Variants in GADL1 observed in about 807,000 individuals in gnomAD.
GADL1 encodes acidic amino acid decarboxylase GADL1.
In GADL1, 71 loss-of-function variants were observed where a neutral mutation model predicts 69.5. The observed-to-expected ratio is 1.02, with a 90% CI of 0.84 to 1.25. The LOEUF (loss-of-function observed/expected upper bound fraction) is 1.25, where lower values mean the gene tolerates loss of function less well. Among genes scored for constraint, GADL1 ranks in the 50% most tolerant of loss-of-function variants. The pLI is 0.00. For missense variants in GADL1, 737 were observed against 631.8 expected, an observed-to-expected ratio of 1.17 and a Z score of -1.79; for synonymous variants, 254 against 214.4, an observed-to-expected ratio of 1.18 and a Z score of -1.62.
At chr3:30,758,061 G>T (rs1295411302) in intron 14 of GADL1, among the ~76,000 whole-genome samples, 1 of 152,174 alleles carries the variant, frequency 6.6e-6, no homozygotes, top group African/African-American at 2.4e-5. Context: ...AGATGCAGCA[G>T]CTTGCCCCAA....
intron 12 of GADL1, chr3:30,799,610 C>T (rs540699781): frequency 1.8e-4 from 28 of 152,318 alleles, no homozygotes; most frequent in African/African-American, 5.5e-4. Flanking sequence ...CTCCTTGTTA[C>T]TTAGGCAAAT....
rs533955209 is a variant in GADL1 at position 30,761,798 on chromosome 3, C to G, written c.1392+16381G>C. ...CTTATCACTAGAGCATCCCCTCCAC[C>G]TAGTAGCTCTACCAATTAGATTCAA... On this transcript the variant is annotated intron_variant, in intron 14 of 14. Transcript: ENST00000282538. 8.5e-5 allele frequency among the ~76,000 whole-genome samples: 13 copies of G among 152,226 alleles called. No individual in the cohort carries two copies. In the South Asian group the frequency reaches 2.7e-3, roughly 32 times the overall value.
intron 14 of GADL1, among the ~76,000 whole-genome samples, chr3:30,756,214 A>G (rs73826105): frequency 3.9e-5 from 6 of 152,204 alleles, no homozygotes; most frequent in African/African-American, 1.2e-4. Context: ...GACAATGAAC[A>G]TGGAGCTTGG....
At chr3:30,831,791 G>C (rs916370546) in intron 11 of GADL1, among the ~76,000 whole-genome samples, 2 of 151,944 alleles carry the variant, frequency 1.3e-5, no homozygotes, top group African/African-American at 2.4e-5. Context: ...GGGGAGGCTA[G>C]TTAGGTGAAT....
intron 11 of GADL1, among the ~76,000 whole-genome samples, chr3:30,827,089 C>T (rs758727485): frequency 6.6e-6 from 1 of 151,896 alleles, no homozygotes; most frequent in African/African-American, 2.4e-5. Context: ...AAAGGACATA[C>T]TACTTCACAT....
Position 30,834,268 on chromosome 3 carries a change from C to A in GADL1, c.917G>T (p.Gly306Val). The change falls in exon 10 of 15, where the codon GGC (glycine) becomes GTC (valine). Residue 306 changes from glycine to valine, a missense_variant. Transcript: ENST00000282538. ...GTGCTTCCTCGACATCAAAGCTGAG[C>A]CACCCCAAGAAGCCTGTTGAGATAT... Reference protein sequence around the residue: ...LWLHVDASWGGSALMSRKHRK... With the variant: ...LWLHVDASWGVSALMSRKHRK... 1 of 1,612,456 alleles carries A rather than the reference C, an allele frequency of 6.2e-7. No homozygotes were observed. The highest frequency in any genetic ancestry group is 1.1e-5 in the South Asian group (1 of 91,042).
chr3:30,760,630 C>T (rs1381593117), intron 14 of GADL1, among the ~76,000 whole-genome samples: 1 of 152,280 alleles, frequency 6.6e-6, no homozygotes, highest in African/African-American at 2.4e-5. Context: ...TTAATAATTA[C>T]TACGTATCTT....
At chr3:30,878,364 T>C (rs1276506361) in intron 1 of GADL1, among the ~76,000 whole-genome samples, 4 of 151,932 alleles carry the variant, frequency 2.6e-5, no homozygotes, top group African/African-American at 9.7e-5. Flanking sequence ...TTCATGGAAG[T>C]AGCTCAGGGA....
chr3:30,765,906 T>C (rs1375388699), intron 14 of GADL1, among the ~76,000 whole-genome samples: 2 of 151,654 alleles, frequency 1.3e-5, no homozygotes, highest in Non-Finnish European at 2.9e-5. Flanking sequence ...CTTTCCCAAC[T>C]CCCCTCCCAA....
At position 30,854,702 on chromosome 3, in the gene GADL1, C is replaced by T. The variant is rs1457084015; in HGVS notation, c.425G>A (p.Ser142Asn). ...ATTTCTATAGCATGGCACTTACACA[C>T]TTGGATTCAATGCTTCGGTCATAAA... Reference protein sequence around the residue: ...ARFMTEALNPSVYTYEVSPVF... With the variant: ...ARFMTEALNPNVYTYEVSPVF... The change falls in exon 4 of 15, where the codon AGT becomes AAT. Residue 142 changes from serine (S) to asparagine (N), a missense_variant. Physicochemically the swap from Ser to Asn is conservative, Grantham distance 46. Transcript: ENST00000282538. 2 of 1,539,828 alleles carry T rather than the reference C, an allele frequency of 1.3e-6. No homozygotes were observed. The highest frequency in any genetic ancestry group is 1.8e-6 in the Non-Finnish European group (2 of 1,136,704).
rs572801932 is a variant in GADL1 at position 30,845,833 on chromosome 3, C to A, written c.652-1367G>T. Among the ~76,000 whole-genome samples, 22 of 152,226 alleles carry A rather than the reference C, an allele frequency of 1.4e-4. 1 individual carries two copies. The South Asian group carries it at 1.7e-3, about 11-fold the overall frequency. ...TTCTCACCAGAGAGTTGAGCTCTGG[C>A]AACCAAACAGCTATTGATTTCATAA... On this transcript the variant is annotated intron_variant, in intron 6 of 14. Coordinates refer to ENST00000282538, the MANE Select transcript of GADL1 (RefSeq NM_207359.3).
At chr3:30,760,726 C>T (rs959781982) in intron 14 of GADL1, among the ~76,000 whole-genome samples, 1 of 152,140 alleles carries the variant, frequency 6.6e-6, no homozygotes, top group Non-Finnish European at 1.5e-5. Flanking sequence ...TCTTGTAAAG[C>T]AATGAGTGGT....
rs148758329 is a variant in GADL1, at chr3:30,842,327, G to A, written c.786+1883C>T. On this transcript the variant is annotated intron_variant, in intron 8 of 14. Coordinates refer to ENST00000282538, the MANE Select transcript of GADL1 (RefSeq NM_207359.3). The stretch of plus-strand genomic sequence containing the variant: ...TACTCAACTATTTATAGATCAAATG[G>A]TATTATGTCTGGGGTTTGCTTCAAA... 7.7e-3 allele frequency among the ~76,000 whole-genome samples: 1,158 copies of A among 150,698 alleles called. 12 individuals carry two copies. The highest frequency in any genetic ancestry group is 0.012 in the Non-Finnish European group (841 of 67,992).
intron 4 of GADL1, 90 bp from the exon 5 acceptor site, chr3:30,851,031 C>A: frequency 1.4e-6 from 1 of 726,398 alleles, no homozygotes; most frequent in Non-Finnish European, 2.3e-6. Context: ...TCTATTAAAC[C>A]AAGTGGCTGC....
chr3:30,894,541 GT>G, intron 1 of GADL1, 36 bp downstream of exon 1: 1 of 1,533,110 alleles, frequency 6.5e-7, no homozygotes, highest in Non-Finnish European at 8.8e-7. Flanking sequence ...GACAGGGGAG[GT>G]TAAGGACAAA....
intron 12 of GADL1, among the ~76,000 whole-genome samples, chr3:30,788,212 T>C (rs899147876): frequency 3.3e-5 from 5 of 152,148 alleles, no homozygotes; most frequent in Non-Finnish European, 7.3e-5. Flanking sequence ...TCAAAATCAG[T>C]AATAATCAAA....
At chr3:30,777,162 A>G (rs565352168) in intron 14 of GADL1, among the ~76,000 whole-genome samples, 2 of 152,262 alleles carry the variant, frequency 1.3e-5, no homozygotes, top group East Asian at 3.9e-4. Flanking sequence ...GTGGACACTC[A>G]GCAAATGTTT....
chr3:30,871,336 G>A (rs1575242941), intron 1 of GADL1, among the ~76,000 whole-genome samples: 1 of 102,726 alleles, frequency 9.7e-6, no homozygotes, highest in Middle Eastern at 4.4e-3. Context: ...AGAGAGAAAT[G>A]ATGGCAATAA....
chr3:30,845,135 C>A (rs1698033170), intron 6 of GADL1, among the ~76,000 whole-genome samples: 1 of 152,054 alleles, frequency 6.6e-6, no homozygotes, highest in Non-Finnish European at 1.5e-5. Flanking sequence ...TGGCTAAAAT[C>A]CTAAGAACAA....
Sources: allele counts gnomAD v4.1 joint callset (sites outside exome capture counted in the v4.1 genomes callset), GRCh38; gene constraint gnomAD v4.1.1; transcripts MANE v1.5; gene names NCBI Gene and HGNC (gene_info 2026-07-23, HGNC 2026-07-21).